The following SUSD5 variants were observed in gnomAD, a reference collection of about 807,000 sequenced individuals.
SUSD5 encodes the protein sushi domain-containing protein 5.
In SUSD5, 33 loss-of-function variants were observed where a neutral mutation model predicts 29.5. That is an observed-to-expected ratio of 1.12 (90% CI 0.85 to 1.49). The LOEUF is 1.49. SUSD5 is among the 40% of genes most tolerant of loss of function. SUSD5 has a pLI of 0.00. For synonymous variants in SUSD5, 308 were observed against 325.3 expected (o/e 0.95, Z 0.57); for missense variants, 776 against 800.6 (o/e 0.97, Z 0.37).
At chr3:33,201,607 C>T (rs73828116) in intron 3 of SUSD5, among the ~76,000 whole-genome samples, 2,523 of 152,286 alleles carry the variant, frequency 0.017, 72 homozygotes, top group African/African-American at 0.057. Context: ...GAAAACAAGA[C>T]CTGATGCCCA....
chr3:33,152,531 G>T lies in SUSD5; in HGVS notation c.*211C>A. ...AGTGTAGTCAATTCCAGGGCAGATGGTGGAGGAGACATTGACATGAGTGAT... is the reference window on the plus strand; with the variant it reads ...AGTGTAGTCAATTCCAGGGCAGATGTTGGAGGAGACATTGACATGAGTGAT... On this transcript the variant is annotated 3_prime_UTR_variant, in exon 5 of 5. Coordinates refer to ENST00000309558, the MANE Select transcript of SUSD5 (RefSeq NM_015551.2). The T allele has an allele frequency of 1.7e-6, 1 of 576,990 alleles. No homozygotes were observed. The allele number at this position is 576,990 out of a possible 1,614,324, so 35.7% of individuals were successfully genotyped here.
chr3:33,168,821 C>T (rs1038083815), intron 4 of SUSD5, among the ~76,000 whole-genome samples: 9 of 152,106 alleles, frequency 5.9e-5, no homozygotes, highest in South Asian at 2.1e-4. Flanking sequence ...GGCTAATTTT[C>T]GTATTTTTAG....
At chr3:33,178,161 C>G (rs553738114) in intron 3 of SUSD5, among the ~76,000 whole-genome samples, 8 of 152,048 alleles carry the variant, frequency 5.3e-5, no homozygotes, top group African/African-American at 1.9e-4. Context: ...GAAGAAGTTC[C>G]CCTCTATTCC....
chr3:33,214,569 A>T (rs2125634735), intron 1 of SUSD5, among the ~76,000 whole-genome samples: 1 of 152,158 alleles, frequency 6.6e-6, no homozygotes, highest in East Asian at 1.9e-4. Context: ...CCTTGCCTTA[A>T]GATATTACCA....
intron 4 of SUSD5, among the ~76,000 whole-genome samples, chr3:33,159,275 C>T (rs978010242): frequency 1.3e-5 from 2 of 152,154 alleles, no homozygotes; most frequent in Non-Finnish European, 2.9e-5. Flanking sequence ...ATACTGTCCA[C>T]GGGAAAGCAG....
rs1463148816 is a variant in SUSD5 at position 33,150,345 on chromosome 3, GT to G, written c.*2396del. 6.6e-6 allele frequency: 1 copy of G among 151,830 alleles called. No individual in the cohort carries two copies. Among genetic ancestry groups the G allele is most frequent in the African/African-American group, 2.4e-5 (1 of 41,330 alleles). The allele number at this position is 151,830 out of a possible 1,614,324, so 9.4% of individuals were successfully genotyped here. On this transcript the variant is annotated 3_prime_UTR_variant, in exon 5 of 5. Transcript: ENST00000309558. The stretch of plus-strand genomic sequence containing the variant: ...TTTGTAATAAATTTATTAATACACT[GT>G]ATTAATAATTTGTAATAAATTTATT...
intron 3 of SUSD5, among the ~76,000 whole-genome samples, chr3:33,206,250 T>C (rs2032216261): frequency 6.6e-6 from 1 of 152,000 alleles, no homozygotes; most frequent in Non-Finnish European, 1.5e-5. Flanking sequence ...GGCGGGCGCC[T>C]GTAATCCTAG....
In SUSD5 at chr3:33,153,550, G is replaced by A. The variant is rs753164011; in HGVS notation, c.1082C>T (p.Pro361Leu). The change falls in exon 5 of 5, where the codon CCA becomes CTA. Residue 361 changes from proline (P) to leucine (L), a missense_variant. Physicochemically the swap from Pro to Leu is moderately conservative, Grantham distance 98. Coordinates refer to ENST00000309558, the MANE Select transcript of SUSD5 (RefSeq NM_015551.2). ...GGACTCATCACTGCTGCTCACCACT[G>A]GATCTCCTGCCTTGCTGTCATTCTT... Reference protein sequence around the residue: ...VGKNDSKAGDPVVSSSDESWL... With the variant: ...VGKNDSKAGDLVVSSSDESWL... 6.2e-7 allele frequency: 1 copy of A among 1,613,962 alleles called. No individual in the cohort carries two copies. The highest frequency in any genetic ancestry group is 1.1e-5 in the South Asian group (1 of 91,070).
Position 33,204,615 on chromosome 3 carries a change from C to G in SUSD5, c.409+3193G>C, listed in dbSNP as rs2032180031. Reference sequence around the variant, plus strand: ...GGATTACAGGCTTGAGCCACCACACCCGGCCTGTTTTATTTTGTTTTGTTT... The same window carrying G: ...GGATTACAGGCTTGAGCCACCACACGCGGCCTGTTTTATTTTGTTTTGTTT... On this transcript the variant is annotated intron_variant, in intron 3 of 4. Transcript: ENST00000309558. The surrounding 1 kb of genome is among the most constrained non-coding windows in gnomAD (Gnocchi z 4.5). Among the ~76,000 whole-genome samples, 1 of 145,732 alleles carries G rather than the reference C, an allele frequency of 6.9e-6. No homozygotes were observed. The highest frequency in any genetic ancestry group is 2.6e-5 in the African/African-American group (1 of 38,800).
intron 4 of SUSD5, among the ~76,000 whole-genome samples, chr3:33,155,035 C>A (rs1281795644): frequency 2.0e-5 from 3 of 152,206 alleles, no homozygotes; most frequent in Non-Finnish European, 4.4e-5. Context: ...TACTATAAAA[C>A]TGCATTACCT....
chr3:33,166,965 G>A (rs1030124121), intron 4 of SUSD5, among the ~76,000 whole-genome samples: 2 of 152,100 alleles, frequency 1.3e-5, no homozygotes, highest in Admixed American at 1.3e-4. Context: ...GATCACCTGA[G>A]GTCAGGAGTT....
intron 3 of SUSD5, among the ~76,000 whole-genome samples, chr3:33,199,959 G>C (rs138342501): frequency 1.8e-4 from 28 of 152,298 alleles, no homozygotes; most frequent in African/African-American, 5.1e-4. Flanking sequence ...TGTAAAGAAG[G>C]CTCTTGCTAG....
chr3:33,216,173 G>A (rs2032425137), intron 1 of SUSD5, among the ~76,000 whole-genome samples: 1 of 152,070 alleles, frequency 6.6e-6, no homozygotes, highest in South Asian at 2.1e-4. Context: ...CAGATCCCGT[G>A]GACCCTGAAA....
chr3:33,153,664 T>C lies in SUSD5; in HGVS notation c.968A>G (p.Asn323Ser). The C allele has an allele frequency of 6.2e-7, 1 of 1,614,000 alleles. No homozygotes were observed. The highest frequency in any genetic ancestry group is 8.5e-7 in the Non-Finnish European group (1 of 1,179,878). Reference protein sequence around the residue: ...DTKKQFSAGDNHSGVKLVPGE... With the variant: ...DTKKQFSAGDSHSGVKLVPGE... ...TGGGACCAATTTTACACCACTGTGG[T>C]TGTCTCCAGCAGAAAACTGCTTTTT... Residue 323 changes from asparagine (N) to serine (S), a missense_variant, in exon 5 of 5, where the codon AAC becomes AGC. Physicochemically the swap from Asn to Ser is conservative, Grantham distance 46 (BLOSUM62 1). Transcript: ENST00000309558.
At chr3:33,208,962 C>T (rs2032272210) in intron 2 of SUSD5, among the ~76,000 whole-genome samples, 1 of 152,132 alleles carries the variant, frequency 6.6e-6, no homozygotes, top group African/African-American at 2.4e-5. Flanking sequence ...TATTTTCCTC[C>T]TGCCTGAAGA....
intron 4 of SUSD5, among the ~76,000 whole-genome samples, chr3:33,161,115 G>A (rs992671182): frequency 4.6e-5 from 7 of 152,160 alleles, no homozygotes; most frequent in Non-Finnish European, 1.0e-4. Context: ...GATGCAGGAA[G>A]GAAAGAACAA....
rs577460717 is a variant in SUSD5, at chr3:33,196,463, T to G, written c.409+11345A>C. ...GGTGATTTGCTGGAAGGTTCCCCTTTCCCTGACACACACAAAGGTTCCCCT... is the reference window on the plus strand; with the variant it reads ...GGTGATTTGCTGGAAGGTTCCCCTTGCCCTGACACACACAAAGGTTCCCCT... On this transcript the variant is annotated intron_variant, in intron 3 of 4. Transcript: ENST00000309558. Among the ~76,000 whole-genome samples the G allele has an allele frequency of 2.0e-5, 3 of 152,248 alleles. No individual in the cohort carries two copies. In the East Asian group the frequency reaches 5.8e-4, roughly 29 times the overall value.
intron 4 of SUSD5, among the ~76,000 whole-genome samples, chr3:33,166,126 T>C (rs1456199499): frequency 6.6e-6 from 1 of 152,208 alleles, no homozygotes; most frequent in African/African-American, 2.4e-5. Context: ...GAATTCACTC[T>C]GGGACGGACA....
chr3:33,213,940 T>C lies in SUSD5; in HGVS notation c.278A>G (p.Asp93Gly), dbSNP rs2032375159. Reference protein sequence around the residue: ...FAVCTTGWLADGTLGTTVCSK... With the variant: ...FAVCTTGWLAGGTLGTTVCSK... ...TCGCCTAACTTACCCAAGAGTACCA[T>C]CTGCTAGCCAGCCAGTGGTGCACAC... The change falls in exon 2 of 5, where the codon GAT becomes GGT. Residue 93 changes from aspartate (D) to glycine (G), a missense_variant. Coordinates refer to ENST00000309558, the MANE Select transcript of SUSD5 (RefSeq NM_015551.2). The C allele has an allele frequency of 1.9e-6, 3 of 1,600,146 alleles. No individual in the cohort carries two copies. The African/African-American group carries it at 4.0e-5, about 21-fold the overall frequency.
Sources: allele counts gnomAD v4.1 joint callset (sites outside exome capture counted in the v4.1 genomes callset), GRCh38; gene constraint gnomAD v4.1.1; non-coding constraint Gnocchi (gnomAD v3.1); transcripts MANE v1.5; gene names NCBI Gene and HGNC (gene_info 2026-07-23, HGNC 2026-07-21).